The following ROBO1 variants were observed in gnomAD, a reference collection of about 807,000 sequenced individuals.
ROBO1 encodes the protein roundabout homolog 1.
ROBO1 carries 149 observed loss-of-function variants against 195.9 expected under a neutral mutation model. The ratio of observed to expected loss-of-function variants is 0.76; its 90% CI spans 0.67 to 0.87. The LOEUF is 0.87. Ranked by LOEUF, ROBO1 falls within the 40% of genes least tolerant of loss-of-function variation. The probability of loss-of-function intolerance (pLI) is 0.00; values close to 1 mark genes in which losing one functional copy is unlikely to be tolerated. For missense variants in ROBO1, 1,933 were observed against 2,068.3 expected (o/e 0.93, Z 1.27); for synonymous variants, 816 against 733.2 (o/e 1.11, Z -1.82).
chr3:79,747,101 C>A (rs1213267638), intron 1 of ROBO1, among the ~76,000 whole-genome samples: 2 of 152,008 alleles, frequency 1.3e-5, no homozygotes, highest in East Asian at 3.9e-4. Context: ...TTTCATTCTA[C>A]AAATTGGGTT....
At chr3:79,461,439 G>T (rs1937633257) in intron 2 of ROBO1, among the ~76,000 whole-genome samples, 1 of 152,124 alleles carries the variant, frequency 6.6e-6, no homozygotes, top group South Asian at 2.1e-4. Flanking sequence ...AATACAGGAA[G>T]AAGGAGAGGG....
intron 1 of ROBO1, among the ~76,000 whole-genome samples, chr3:79,751,316 G>T (rs1704119891): frequency 6.6e-6 from 1 of 152,008 alleles, no homozygotes; most frequent in Admixed American, 6.6e-5. Flanking sequence ...TTCAGTTATT[G>T]TATTATCATA....
intron 3 of ROBO1, among the ~76,000 whole-genome samples, chr3:78,981,000 G>A (rs2076978699): frequency 6.6e-6 from 1 of 152,034 alleles, no homozygotes; most frequent in African/African-American, 2.4e-5. Context: ...TATAAAACAT[G>A]GGATATGTGT....
At chr3:79,352,324 A>G (rs890729512) in intron 2 of ROBO1, among the ~76,000 whole-genome samples, 1 of 152,182 alleles carries the variant, frequency 6.6e-6, no homozygotes, top group African/African-American at 2.4e-5. Flanking sequence ...GAAAATGCAT[A>G]TAGACTCACA....
intron 3 of ROBO1, among the ~76,000 whole-genome samples, chr3:79,068,325 T>C (rs2079035156): frequency 6.6e-6 from 1 of 151,836 alleles, no homozygotes; most frequent in Admixed American, 6.6e-5. Flanking sequence ...GCTATGGATA[T>C]TGCAGAAACA....
chr3:79,344,188 C>G (rs1475571725), intron 2 of ROBO1, among the ~76,000 whole-genome samples: 1 of 152,098 alleles, frequency 6.6e-6, no homozygotes, highest in South Asian at 2.1e-4. Context: ...AAAATTACTT[C>G]AGGTGAAGAT....
intron 3 of ROBO1, among the ~76,000 whole-genome samples, chr3:79,020,150 A>G (rs1451375604): frequency 6.6e-6 from 1 of 152,198 alleles, no homozygotes; most frequent in Non-Finnish European, 1.5e-5. Context: ...AATGCAAAAA[A>G]CAATCTTGAC....
intron 2 of ROBO1, among the ~76,000 whole-genome samples, chr3:79,199,257 G>A (rs1314152067): frequency 6.6e-6 from 1 of 151,776 alleles, no homozygotes; most frequent in East Asian, 1.9e-4. Context: ...AAAGCATTGA[G>A]ATATTACAAC....
intron 2 of ROBO1, among the ~76,000 whole-genome samples, chr3:79,484,040 A>G (rs1027867532): frequency 2.6e-5 from 4 of 152,204 alleles, no homozygotes; most frequent in African/African-American, 9.6e-5. Flanking sequence ...AGAGAGGAAC[A>G]TTTAATATAC....
intron 17 of ROBO1, among the ~76,000 whole-genome samples, chr3:78,657,764 C>G (rs1185166398): frequency 6.6e-6 from 1 of 152,186 alleles, no homozygotes. Context: ...TGGGATCAAC[C>G]TGCCTGGCAT....
At chr3:79,720,835 C>T (rs972278851) in intron 1 of ROBO1, among the ~76,000 whole-genome samples, 1 of 150,144 alleles carries the variant, frequency 6.7e-6, no homozygotes, top group Non-Finnish European at 1.5e-5. Context: ...CGCTGTTGCC[C>T]AGGCTGGAGT....
At chr3:78,986,815 C>G (rs2077116933) in intron 3 of ROBO1, among the ~76,000 whole-genome samples, 1 of 152,138 alleles carries the variant, frequency 6.6e-6, no homozygotes, top group Non-Finnish European at 1.5e-5. Flanking sequence ...TCTAAACACC[C>G]CTTAGTCTCC....
chr3:79,354,973 C>T (rs1489762574), intron 2 of ROBO1, among the ~76,000 whole-genome samples: 2 of 152,044 alleles, frequency 1.3e-5, no homozygotes, highest in African/African-American at 4.8e-5. Context: ...CAAGACCATC[C>T]TGGCCAAGAT....
intron 2 of ROBO1, among the ~76,000 whole-genome samples, chr3:79,470,301 A>G (rs937187163): frequency 6.6e-6 from 1 of 152,152 alleles, no homozygotes; most frequent in Non-Finnish European, 1.5e-5. Flanking sequence ...TCAGCAAACT[A>G]TCTCAAGGAC....
At chr3:79,417,207 T>C (rs1488227493) in intron 2 of ROBO1, among the ~76,000 whole-genome samples, 2 of 152,074 alleles carry the variant, frequency 1.3e-5, no homozygotes, top group Admixed American at 6.6e-5. Context: ...TAAAAGACAT[T>C]GGGGTTTTCT....
intron 1 of ROBO1, among the ~76,000 whole-genome samples, chr3:79,746,086 C>T (rs1703863911): frequency 6.6e-6 from 1 of 151,892 alleles, no homozygotes; most frequent in Admixed American, 6.6e-5. Context: ...TAATGTTTTC[C>T]CTATTTCTAT....
chr3:79,502,266 C>T (rs1415249095), intron 2 of ROBO1, among the ~76,000 whole-genome samples: 5 of 152,124 alleles, frequency 3.3e-5, no homozygotes, highest in Non-Finnish European at 7.4e-5. Context: ...GGGAGATGCG[C>T]GGGCGGGAAC....
intron 3 of ROBO1, among the ~76,000 whole-genome samples, chr3:79,066,220 G>A (rs1164334018): frequency 6.6e-6 from 1 of 151,854 alleles, no homozygotes; most frequent in Non-Finnish European, 1.5e-5. Context: ...CATAAAGTAA[G>A]GCAGGAAAAG....
intron 2 of ROBO1, among the ~76,000 whole-genome samples, chr3:79,532,010 C>A (rs62257642): frequency 6.6e-6 from 1 of 152,006 alleles, no homozygotes; most frequent in Non-Finnish European, 1.5e-5. Context: ...GAGCTATTTC[C>A]TGAAACATCA....
Sources: gnomAD v4.1 joint callset for allele counts (sites outside exome capture counted in the v4.1 genomes callset) on GRCh38, gnomAD v4.1.1 for gene constraint, MANE v1.5 for transcripts, NCBI Gene and HGNC (gene_info 2026-07-23, HGNC 2026-07-21) for gene names.